LYPD6: variants seen among roughly 807,000 people sequenced by gnomAD.
LYPD6 encodes ly6/PLAUR domain-containing protein 6.
A neutral mutation model predicts 22.7 loss-of-function variants in LYPD6; 15 were observed. That is an observed-to-expected ratio of 0.66 (90% CI 0.44 to 1.02). The LOEUF is 1.02. Among genes scored for constraint, LYPD6 ranks in the 50% least tolerant of loss-of-function variants. The pLI, the probability that LYPD6 is intolerant of heterozygous loss-of-function variation, is 0.00. For missense variants in LYPD6, 189 were observed against 208.4 expected (o/e 0.91, Z 0.57); for synonymous variants, 72 against 77.5 (o/e 0.93, Z 0.37).
At chr2:149,388,045 G>T (rs979436864) in intron 1 of LYPD6, among the ~76,000 whole-genome samples, 3 of 152,146 alleles carry the variant, frequency 2.0e-5, no homozygotes, top group Admixed American at 2.0e-4. Context: ...CTAAATGACC[G>T]AGCCTTACTT....
intron 1 of LYPD6, among the ~76,000 whole-genome samples, chr2:149,373,683 T>C (rs1208160950): frequency 6.6e-6 from 1 of 152,170 alleles, no homozygotes; most frequent in Non-Finnish European, 1.5e-5. Flanking sequence ...CCATTGGTCA[T>C]CTCAGCAAGA....
chr2:149,407,306 T>C (rs1559140961), intron 1 of LYPD6, among the ~76,000 whole-genome samples: 1 of 152,254 alleles, frequency 6.6e-6, no homozygotes, highest in Non-Finnish European at 1.5e-5. Flanking sequence ...GAAGTTCTCC[T>C]GGATAATATC....
At chr2:149,393,062 G>T (rs1682348059) in intron 1 of LYPD6, among the ~76,000 whole-genome samples, 2 of 152,166 alleles carry the variant, frequency 1.3e-5, no homozygotes, top group Non-Finnish European at 2.9e-5. Flanking sequence ...TGGCCCAGGT[G>T]CATGGTGAAG....
chr2:149,365,615 CGTTTATTTTT>C (rs1681646137), intron 1 of LYPD6, among the ~76,000 whole-genome samples: 1 of 151,622 alleles, frequency 6.6e-6, no homozygotes, highest in African/African-American at 2.4e-5. Context: ...TGTTTCTCAA[CGTTTATTTTT>C]ATTATTGCTC....
intron 3 of LYPD6, among the ~76,000 whole-genome samples, chr2:149,461,553 C>T (rs1681088142): frequency 1.3e-5 from 2 of 151,882 alleles, no homozygotes; most frequent in Admixed American, 1.3e-4. Flanking sequence ...TGGAGTTACC[C>T]TGATACCAAA....
chr2:149,459,480 A>G (rs1374205485), intron 3 of LYPD6, among the ~76,000 whole-genome samples: 5 of 152,244 alleles, frequency 3.3e-5, no homozygotes, highest in Admixed American at 2.0e-4. Flanking sequence ...AACGTACTTG[A>G]TACTACAATG....
intron 1 of LYPD6, among the ~76,000 whole-genome samples, chr2:149,402,853 T>C (rs1287315629): frequency 6.6e-6 from 1 of 151,290 alleles, no homozygotes; most frequent in Admixed American, 6.6e-5. Context: ...TAGCATTAGG[T>C]ATATCTCCTA....
chr2:149,349,945 G>GA (rs200905908), intron 1 of LYPD6, among the ~76,000 whole-genome samples: 2,395 of 151,062 alleles, frequency 0.016, 27 homozygotes, highest in Non-Finnish European at 0.017. Flanking sequence ...CATTAAACCT[G>GA]AAAAAAAAAT....
intron 3 of LYPD6, among the ~76,000 whole-genome samples, chr2:149,461,837 C>A (rs1036886846): frequency 6.6e-6 from 1 of 151,870 alleles, no homozygotes; most frequent in Non-Finnish European, 1.5e-5. Context: ...AAACAATTGT[C>A]AAAATTAAAC....
Position 149,472,530 on chromosome 2 carries a change from A to G in LYPD6, c.*1680A>G, listed in dbSNP as rs573088709. 2.6e-3 allele frequency: 392 copies of G among 152,800 alleles called. 4 individuals are homozygous for G. Among genetic ancestry groups the G allele is most frequent in the Non-Finnish European group, 4.2e-3 (286 of 68,034 alleles). 9.5% of individuals were successfully genotyped at this position (152,800 alleles called of 1,614,324 possible). ...CCTCAGGGACTAAATATGAACTGAC[A>G]GCAGTAACTCTGATACAGAATAATC... On this transcript the variant is annotated 3_prime_UTR_variant, in exon 5 of 5. Transcript: ENST00000334166.
Position 149,353,205 on chromosome 2 carries a change from G to A in LYPD6, c.-72+22483G>A, listed in dbSNP as rs572378555. Among the ~76,000 whole-genome samples, 4 of 152,306 alleles carry A rather than the reference G, an allele frequency of 2.6e-5. No homozygotes were observed. The East Asian group carries it at 7.7e-4, about 29-fold the overall frequency. ...AGTGAAAATGCTCGTGAAGTTCAAT[G>A]TTTATCATTGAGTTTTACAGAGTTA... is the stretch of plus-strand genomic sequence containing the variant. On this transcript the variant is annotated intron_variant, in intron 1 of 4. Transcript: ENST00000334166.
At chr2:149,421,167 G>A (rs1439503365) in intron 1 of LYPD6, among the ~76,000 whole-genome samples, 2 of 151,870 alleles carry the variant, frequency 1.3e-5, no homozygotes, top group Non-Finnish European at 2.9e-5. Context: ...AGGCCAAGGC[G>A]GGCAGATCAC....
intron 1 of LYPD6, among the ~76,000 whole-genome samples, chr2:149,376,435 G>T (rs1393814329): frequency 6.6e-6 from 1 of 151,992 alleles, no homozygotes; most frequent in Non-Finnish European, 1.5e-5. Flanking sequence ...CAGTAGGGGG[G>T]TCTTCCTAGT....
intron 3 of LYPD6, among the ~76,000 whole-genome samples, chr2:149,459,404 A>G (rs551006972): frequency 4.7e-4 from 72 of 152,332 alleles, no homozygotes; most frequent in African/African-American, 1.6e-3. Flanking sequence ...AGGAAGCTCT[A>G]TATGCAGAAA....
intron 1 of LYPD6, among the ~76,000 whole-genome samples, chr2:149,399,484 A>G (rs909724042): frequency 1.3e-5 from 2 of 152,044 alleles, no homozygotes; most frequent in Admixed American, 6.6e-5. Context: ...ATTTCACTTT[A>G]TACATTTAAA....
chr2:149,483,486 CTTTCAG>C, the LYPD6 span, among the ~76,000 whole-genome samples: 2 of 152,182 alleles, frequency 1.3e-5, no homozygotes, highest in African/African-American at 4.8e-5. Flanking sequence ...CCTCTTCCTT[CTTTCAG>C]AAGTTTCTGA....
intron 1 of LYPD6, among the ~76,000 whole-genome samples, chr2:149,386,836 C>T (rs1487221199): frequency 1.3e-5 from 2 of 152,148 alleles, no homozygotes; most frequent in African/African-American, 4.8e-5. Flanking sequence ...TTCACTACCT[C>T]TTGAGTATAG....
At chr2:149,391,370 C>A (rs897487644) in intron 1 of LYPD6, among the ~76,000 whole-genome samples, 1 of 151,378 alleles carries the variant, frequency 6.6e-6, no homozygotes, top group Non-Finnish European at 1.5e-5. Flanking sequence ...TCCCTTTTTT[C>A]CCCCCCGATA....
At chr2:149,433,797 C>A (rs189771350) in intron 1 of LYPD6, among the ~76,000 whole-genome samples, 3 of 152,274 alleles carry the variant, frequency 2.0e-5, no homozygotes, top group African/African-American at 7.2e-5. Flanking sequence ...GGCATTTTCC[C>A]CATGTTGTAT....
Sources: allele counts gnomAD v4.1 joint callset (sites outside exome capture counted in the v4.1 genomes callset), GRCh38; gene constraint gnomAD v4.1.1; transcripts MANE v1.5; gene names NCBI Gene and HGNC (gene_info 2026-07-23, HGNC 2026-07-21).